RALGPS2: variants seen among roughly 807,000 people sequenced by gnomAD.
The protein encoded by RALGPS2 is Ral GEF with PH domain and SH3 binding motif 2.
In RALGPS2, 43 loss-of-function variants were observed where a neutral mutation model predicts 86.8. That is an observed-to-expected ratio of 0.50 (90% CI 0.39 to 0.64). The LOEUF is 0.64. Ranked by LOEUF, RALGPS2 falls within the 30% of genes least tolerant of loss-of-function variation. The pLI, the probability that RALGPS2 is intolerant of heterozygous loss-of-function variation, is 0.00. For missense variants in RALGPS2, 536 were observed against 694.6 expected (o/e 0.77, Z 2.57); for synonymous variants, 243 against 231.3 (o/e 1.05, Z -0.46).
chr1:178,817,183 A>G (rs1655271730), intron 6 of RALGPS2, among the ~76,000 whole-genome samples: 1 of 151,536 alleles, frequency 6.6e-6, no homozygotes, highest in African/African-American at 2.4e-5. Context: ...AAACTCTACT[A>G]AAAAATACAA....
In RALGPS2 at chr1:178,906,854, G is replaced by A; in HGVS notation, c.1709G>A (p.Ser570Asn). Residue 570 changes from serine (S) to asparagine (N), a missense_variant, in exon 19 of 20, where the codon AGT (serine) becomes AAT (asparagine). Coordinates refer to ENST00000367635, the MANE Select transcript of RALGPS2 (RefSeq NM_152663.5). ...AAGCATTTGAGTGCAGCCTGCCAAA[G>A]TAACAAACAACAGGTAAGCATTTCT... ...WFKHLSAACQ[S>N]NKQQVPTNLM... The A allele has an allele frequency of 6.2e-7, 1 of 1,613,198 alleles. No individual in the cohort carries two copies. The highest frequency in any genetic ancestry group is 8.5e-7 in the Non-Finnish European group (1 of 1,179,528).
chr1:178,790,576 G>T (rs1558121255), intron 4 of RALGPS2, among the ~76,000 whole-genome samples: 1 of 152,116 alleles, frequency 6.6e-6, no homozygotes, highest in African/African-American at 2.4e-5. Flanking sequence ...TATGTAGATG[G>T]TGTTCTGTTG....
chr1:178,727,227 C>A (rs1045482791), intron 1 of RALGPS2, among the ~76,000 whole-genome samples: 2 of 151,234 alleles, frequency 1.3e-5, no homozygotes, highest in Non-Finnish European at 2.9e-5. Context: ...CCATTATATT[C>A]CACTTTTTTT....
intron 8 of RALGPS2, among the ~76,000 whole-genome samples, chr1:178,864,277 G>GT (rs899171238): frequency 1.4e-4 from 21 of 151,546 alleles, no homozygotes; most frequent in South Asian, 8.3e-4. Context: ...CAATGCAATA[G>GT]TTTTTTTTTA....
At chr1:178,828,416 G>A (rs1334533626) in intron 7 of RALGPS2, among the ~76,000 whole-genome samples, 1 of 152,170 alleles carries the variant, frequency 6.6e-6, no homozygotes, top group Admixed American at 6.5e-5. Context: ...TGAGTAGGCA[G>A]TTATAACACG....
At chr1:178,916,306 G>T in intron 19 of RALGPS2, 24 bp from the exon 20 acceptor site, 1 of 1,569,716 alleles carries the variant, frequency 6.4e-7, no homozygotes, top group Non-Finnish European at 8.7e-7. Flanking sequence ...TTTAAACTCA[G>T]TTTTTAATGC....
At chr1:178,861,500 A>G (rs888569999) in intron 8 of RALGPS2, among the ~76,000 whole-genome samples, 3 of 151,534 alleles carry the variant, frequency 2.0e-5, no homozygotes, top group African/African-American at 7.3e-5. Context: ...TAGAATTGGT[A>G]TGTTTCATTT....
At chr1:178,744,659 C>T (rs1651209556) in intron 1 of RALGPS2, among the ~76,000 whole-genome samples, 1 of 150,908 alleles carries the variant, frequency 6.6e-6, no homozygotes, top group African/African-American at 2.4e-5. Context: ...ACTAATAATA[C>T]AAAAAAAATT....
intron 13 of RALGPS2, among the ~76,000 whole-genome samples, chr1:178,888,331 C>T (rs559326402): frequency 1.3e-5 from 2 of 152,148 alleles, no homozygotes; most frequent in East Asian, 1.9e-4. Context: ...TATACACACA[C>T]GAGTTTTTCC....
At chr1:178,758,751 T>C (rs1396126070) in intron 1 of RALGPS2, among the ~76,000 whole-genome samples, 2 of 152,226 alleles carry the variant, frequency 1.3e-5, no homozygotes, top group African/African-American at 4.8e-5. Flanking sequence ...TATGGCTGAA[T>C]AGTACTCCAT....
chr1:178,885,833 G>C, intron 12 of RALGPS2, 136 bp from the exon 13 acceptor site: 1 of 731,494 alleles, frequency 1.4e-6, no homozygotes. Context: ...TCCCTAAACT[G>C]TTCATTTGAG....
chr1:178,852,950 C>G, intron 8 of RALGPS2: 1 of 1,606,572 alleles, frequency 6.2e-7, no homozygotes, highest in South Asian at 1.1e-5. Flanking sequence ...TTTCCAAACC[C>G]TTTCTGTTAA....
At chr1:178,817,452 C>G (rs1401497548) in intron 6 of RALGPS2, among the ~76,000 whole-genome samples, 2 of 150,748 alleles carry the variant, frequency 1.3e-5, no homozygotes, top group South Asian at 4.2e-4. Context: ...TGATCAAATA[C>G]GTGTAGGTAT....
chr1:178,865,968 G>T (rs1282903890), intron 8 of RALGPS2, among the ~76,000 whole-genome samples: 1 of 152,114 alleles, frequency 6.6e-6, no homozygotes, highest in Non-Finnish European at 1.5e-5. Flanking sequence ...TTAATATTAA[G>T]TTGTAATACT....
At chr1:178,909,775 G>A (rs1300746519) in intron 19 of RALGPS2, among the ~76,000 whole-genome samples, 3 of 148,850 alleles carry the variant, frequency 2.0e-5, no homozygotes, top group Admixed American at 1.4e-4. Context: ...TCAGTCTCCC[G>A]AGTAGCTGGG....
At chr1:178,772,019 A>T (rs1302924579) in intron 1 of RALGPS2, among the ~76,000 whole-genome samples, 1 of 152,172 alleles carries the variant, frequency 6.6e-6, no homozygotes, top group African/African-American at 2.4e-5. Context: ...TAAACCCAGG[A>T]GCCTCCAAGC....
At chr1:178,849,054 T>C (rs1168670575) in intron 8 of RALGPS2, among the ~76,000 whole-genome samples, 1 of 152,250 alleles carries the variant, frequency 6.6e-6, no homozygotes, top group African/African-American at 2.4e-5. Context: ...TACTTACGAA[T>C]GTCAAGCATT....
Position 178,916,518 on chromosome 1 carries a change from T to C in RALGPS2, c.*159T>C. ...CCAAAAAAGCACTAATTTCAGGGAA[T>C]GATTTGAGATATTCCCAGAGAACAA... On this transcript the variant is annotated 3_prime_UTR_variant, in exon 20 of 20. Transcript: ENST00000367635. The C allele has an allele frequency of 3.2e-6, 2 of 622,242 alleles. No individual in the cohort carries two copies. The highest frequency in any genetic ancestry group is 2.7e-6 in the Non-Finnish European group (1 of 373,386). The allele number at this position is 622,242 out of a possible 1,614,324, so 38.5% of individuals were successfully genotyped here.
chr1:178,789,721 G>A (rs1387025701), intron 4 of RALGPS2, among the ~76,000 whole-genome samples: 1 of 152,172 alleles, frequency 6.6e-6, no homozygotes, highest in Non-Finnish European at 1.5e-5. Context: ...ATTATCAAGA[G>A]AGTGAATACA....
Sources: allele counts gnomAD v4.1 joint callset (sites outside exome capture counted in the v4.1 genomes callset), GRCh38; gene constraint gnomAD v4.1.1; transcripts MANE v1.5; gene names NCBI Gene and HGNC (gene_info 2026-07-23, HGNC 2026-07-21).